Variants in ZNF892 observed in about 807,000 individuals in gnomAD.
ZNF892 encodes zinc finger protein 570-like.
chr2:95,208,614 G>A, the ZNF892 span: 1 of 398,572 alleles, frequency 2.5e-6, no homozygotes, highest in Non-Finnish European at 4.4e-6. Context: ...TGCAAGGACA[G>A]AGTAATCATC....
At chr2:95,245,578 T>G in the ZNF892 span, among the ~76,000 whole-genome samples, 1 of 76,590 alleles carries the variant, frequency 1.3e-5, no homozygotes. Context: ...CTGGAGCTGG[T>G]TTTTTGAAAA....
At chr2:95,231,395 G>C in the ZNF892 span, among the ~76,000 whole-genome samples, 1 of 152,144 alleles carries the variant, frequency 6.6e-6, no homozygotes, top group Non-Finnish European at 1.5e-5. Context: ...ACTTTGAGGG[G>C]GACTGCCTGG....
the ZNF892 span, among the ~76,000 whole-genome samples, chr2:95,228,775 T>C: frequency 2.6e-5 from 4 of 152,176 alleles, no homozygotes; most frequent in Non-Finnish European, 5.9e-5. Flanking sequence ...GTTTTCTTTT[T>C]TTAATATATT....
chr2:95,217,888 C>T, the ZNF892 span, among the ~76,000 whole-genome samples: 1 of 152,262 alleles, frequency 6.6e-6, no homozygotes, highest in East Asian at 1.9e-4. Flanking sequence ...GTGATGGTTC[C>T]ACCCTTTGAA....
the ZNF892 span, among the ~76,000 whole-genome samples, chr2:95,227,040 G>A: frequency 5.3e-5 from 8 of 151,862 alleles, no homozygotes; most frequent in Non-Finnish European, 1.0e-4. Flanking sequence ...TGAAATAATC[G>A]CTACCACAAT....
chr2:95,211,632 G>C, the ZNF892 span: 132 of 398,618 alleles, frequency 3.3e-4, 2 homozygotes, highest in South Asian at 0.014. Flanking sequence ...TGATGATCAG[G>C]GATATGGCCG....
chr2:95,250,181 A>G, the ZNF892 span, among the ~76,000 whole-genome samples: 2 of 152,080 alleles, frequency 1.3e-5, no homozygotes, highest in African/African-American at 4.8e-5. Flanking sequence ...AGCAGTTGGC[A>G]TATGTCAAGC....
chr2:95,246,704 A>G, the ZNF892 span, among the ~76,000 whole-genome samples: 1 of 152,200 alleles, frequency 6.6e-6, no homozygotes, highest in Non-Finnish European at 1.5e-5. Flanking sequence ...TAGCATTCAT[A>G]TACACCAACA....
the ZNF892 span, among the ~76,000 whole-genome samples, chr2:95,247,216 C>T: frequency 6.6e-6 from 1 of 152,108 alleles, no homozygotes; most frequent in Non-Finnish European, 1.5e-5. Flanking sequence ...TACCTACAGC[C>T]ATCTGAGCTT....
At chr2:95,229,068 AATAG>A in the ZNF892 span, among the ~76,000 whole-genome samples, 15 of 152,166 alleles carry the variant, frequency 9.9e-5, no homozygotes, top group Non-Finnish European at 2.1e-4. Flanking sequence ...TGTACTTCTT[AATAG>A]ATTGATTGAT....
chr2:95,221,949 A>G, the ZNF892 span, among the ~76,000 whole-genome samples: 2 of 151,014 alleles, frequency 1.3e-5, no homozygotes, highest in African/African-American at 4.9e-5. Context: ...CCTCCTCCCT[A>G]TCTTCCTCCT....
chr2:95,238,006 T>G, the ZNF892 span, among the ~76,000 whole-genome samples: 1 of 152,284 alleles, frequency 6.6e-6, no homozygotes, highest in East Asian at 1.9e-4. Context: ...TCACATAAAT[T>G]AAGTGCAAGA....
At chr2:95,256,721 G>T in the ZNF892 span, among the ~76,000 whole-genome samples, 1 of 152,200 alleles carries the variant, frequency 6.6e-6, no homozygotes, top group Non-Finnish European at 1.5e-5. Flanking sequence ...ATCAGACATA[G>T]ATTTGGTCTT....
chr2:95,218,203 A>T, the ZNF892 span, among the ~76,000 whole-genome samples: 1 of 152,128 alleles, frequency 6.6e-6, no homozygotes, highest in Non-Finnish European at 1.5e-5. Flanking sequence ...AAATTTTCCC[A>T]TATTTTTGTG....
the ZNF892 span, among the ~76,000 whole-genome samples, chr2:95,241,202 C>A: frequency 6.6e-6 from 1 of 152,228 alleles, no homozygotes; most frequent in African/African-American, 2.4e-5. Flanking sequence ...CCCATTTCTC[C>A]TGACTGGGTG....
chr2:95,221,915 TCTC>T, the ZNF892 span, among the ~76,000 whole-genome samples: 2 of 152,122 alleles, frequency 1.3e-5, no homozygotes, highest in African/African-American at 2.4e-5. Context: ...AGTTCCTTCT[TCTC>T]CTCCTCCCTC....
At chr2:95,213,776 A>G in the ZNF892 span, among the ~76,000 whole-genome samples, 7 of 152,220 alleles carry the variant, frequency 4.6e-5, no homozygotes, top group Non-Finnish European at 8.8e-5. Context: ...TTGAGACAGT[A>G]GAACCAACAG....
the ZNF892 span, among the ~76,000 whole-genome samples, chr2:95,220,932 A>G: frequency 6.6e-6 from 1 of 152,200 alleles, no homozygotes; most frequent in East Asian, 1.9e-4. Flanking sequence ...TGGACTCAGA[A>G]TTTTGGATTT....
the ZNF892 span, chr2:95,214,255 GT>G: frequency 2.5e-6 from 1 of 397,208 alleles, no homozygotes; most frequent in Non-Finnish European, 4.4e-6. Flanking sequence ...AAACAAACAT[GT>G]TTCATTAATT....
Sources: gnomAD v4.1 joint callset for allele counts (sites outside exome capture counted in the v4.1 genomes callset) on GRCh38, gnomAD v4.1.1 for gene constraint, MANE v1.5 for transcripts, NCBI Gene and HGNC (gene_info 2026-07-23, HGNC 2026-07-21) for gene names.